UBXN7: variants seen among roughly 807,000 people sequenced by gnomAD.
UBXN7 encodes the protein UBX domain protein 7.
In UBXN7, 9 loss-of-function variants were observed where a neutral mutation model predicts 58.0. The ratio of observed to expected loss-of-function variants is 0.16; its 90% confidence interval spans 0.09 to 0.27. UBXN7 has a LOEUF of 0.27. UBXN7 is among the 10% of genes least tolerant of loss of function. The pLI is 1.00. For missense variants in UBXN7, 328 were observed against 599.6 expected, an observed-to-expected ratio of 0.55 and a Z score of 4.73; for synonymous variants, 208 against 205.0, an observed-to-expected ratio of 1.01 and a Z score of -0.12.
At chr3:196,389,780 C>T (rs1004573752) in intron 5 of UBXN7, among the ~76,000 whole-genome samples, 1 of 152,132 alleles carries the variant, frequency 6.6e-6, no homozygotes. Context: ...TCCTTTCTAG[C>T]AATGCAAGCA....
At chr3:196,385,100 CT>C (rs1729332914) in intron 5 of UBXN7, among the ~76,000 whole-genome samples, 1 of 152,230 alleles carries the variant, frequency 6.6e-6, no homozygotes, top group Non-Finnish European at 1.5e-5. Context: ...TGCAACCTCC[CT>C]GCCTGATTCT....
rs142281548 is a variant in UBXN7 at position 196,402,897 on chromosome 3, A to T, written c.289+55T>A. Reference sequence around the variant, plus strand: ...AGCCTTCACATCTTTTGATGGTTTCATTAAAATCCTAAAGAACAAAATCAA... The same window carrying T: ...AGCCTTCACATCTTTTGATGGTTTCTTTAAAATCCTAAAGAACAAAATCAA... On this transcript the variant is annotated intron_variant, in intron 3 of 10. Coordinates refer to ENST00000296328, the MANE Select transcript of UBXN7 (RefSeq NM_015562.2). The T allele has an allele frequency of 4.9e-5, 77 of 1,558,574 alleles. 2 individuals carry two copies. The East Asian group carries it at 1.6e-3, about 33-fold the overall frequency.
intron 1 of UBXN7, among the ~76,000 whole-genome samples, chr3:196,430,036 A>G (rs1201157142): frequency 6.6e-6 from 1 of 152,194 alleles, no homozygotes; most frequent in Non-Finnish European, 1.5e-5. Flanking sequence ...AGTAGTAATT[A>G]GCATAAGAAA....
At chr3:196,402,866 C>T in intron 3 of UBXN7, 86 bp downstream of exon 3, 1 of 1,442,746 alleles carries the variant, frequency 6.9e-7, no homozygotes, top group Non-Finnish European at 9.4e-7. Context: ...TAACAGTCTC[C>T]TAGCAAGCCT....
rs1006002450 is a variant in UBXN7 at position 196,420,163 on chromosome 3, CT to C, written c.73+12163del. On this transcript the variant is annotated intron_variant, in intron 1 of 10. Transcript: ENST00000296328. Reference sequence around the variant, plus strand: ...TCTTACTACAGTTAGAAGAACATACCTTTTTTTTTAAGGGGGGGCTAATAAA... The same window carrying C: ...TCTTACTACAGTTAGAAGAACATACCTTTTTTTTAAGGGGGGGCTAATAAA... 3.1e-4 allele frequency among the ~76,000 whole-genome samples: 47 copies of C among 150,740 alleles called. No homozygotes were observed. The South Asian group carries it at 3.6e-3, about 11-fold the overall frequency.
At chr3:196,365,950 A>T (rs1728651998) in intron 8 of UBXN7, among the ~76,000 whole-genome samples, 1 of 152,220 alleles carries the variant, frequency 6.6e-6, no homozygotes, top group Non-Finnish European at 1.5e-5. Flanking sequence ...ACAGAAGAGG[A>T]AGAAATACTT....
chr3:196,402,918 A>G (rs573910036), intron 3 of UBXN7, 34 bp downstream of exon 3: 1 of 1,581,140 alleles, frequency 6.3e-7, no homozygotes, highest in East Asian at 2.3e-5. Flanking sequence ...AAAGAACAAA[A>G]TCAAATAAGG....
chr3:196,391,997 AC>A (rs1560231332), intron 4 of UBXN7, 72 bp from the exon 5 acceptor site: 7 of 580,726 alleles, frequency 1.2e-5, no homozygotes, highest in South Asian at 2.2e-5. Context: ...AAAAAAAAAA[AC>A]ACAAACTTCT....
At chr3:196,420,942 CTA>C (rs544862946) in intron 1 of UBXN7, among the ~76,000 whole-genome samples, 233 of 152,286 alleles carry the variant, frequency 1.5e-3, no homozygotes, top group African/African-American at 5.3e-3. Flanking sequence ...CATCATCCCT[CTA>C]TAGAAATGAT....
intron 1 of UBXN7, among the ~76,000 whole-genome samples, chr3:196,422,816 T>G (rs1392008119): frequency 6.6e-6 from 1 of 152,254 alleles, no homozygotes; most frequent in African/African-American, 2.4e-5. Flanking sequence ...CGACTGTTTT[T>G]GGCAGCTTTA....
chr3:196,375,027 GAA>G (rs1728968909), intron 5 of UBXN7, among the ~76,000 whole-genome samples: 1 of 146,758 alleles, frequency 6.8e-6, no homozygotes, highest in South Asian at 2.3e-4. Flanking sequence ...AGGAAGGAAG[GAA>G]GGAAGGAAGG....
chr3:196,368,478 A>C (rs777078442), intron 7 of UBXN7, among the ~76,000 whole-genome samples: 2 of 152,326 alleles, frequency 1.3e-5, no homozygotes, highest in East Asian at 3.9e-4. Flanking sequence ...TGTAAATATA[A>C]TATCTAGGAT....
intron 3 of UBXN7, chr3:196,400,581 C>A (rs759366570): frequency 6.2e-5 from 11 of 177,942 alleles, no homozygotes; most frequent in Non-Finnish European, 9.8e-5. Flanking sequence ...AACAGCAATG[C>A]CCTGTCTCCA....
In UBXN7 at chr3:196,404,934, G is replaced by A. The variant is rs573739889; in HGVS notation, c.222-1915C>T. The stretch of plus-strand genomic sequence containing the variant: ...TTTGAGAGGCCAAGGCAGGTGGATC[G>A]CTTGAGCTCAGGAGTTCAAGACCAG... On this transcript the variant is annotated intron_variant, in intron 2 of 10. Coordinates refer to ENST00000296328, the MANE Select transcript of UBXN7 (RefSeq NM_015562.2). Among the ~76,000 whole-genome samples the A allele has an allele frequency of 1.8e-4, 27 of 152,194 alleles. No individual in the cohort carries two copies. The Middle Eastern group carries it at 0.01, about 58-fold the overall frequency.
chr3:196,401,248 CAAAAAA>C lies in UBXN7; in HGVS notation c.289+1698_289+1703del, dbSNP rs35766312. ...CTAACATGGAGAAACCCCGTCTCTC[CAAAAAA>C]AAAAAAAAAAAAAAAAAAAAATATA... On this transcript the variant is annotated intron_variant, in intron 3 of 10. Transcript: ENST00000296328. Among the ~76,000 whole-genome samples, 32 of 2,276 alleles carry C rather than the reference CAAAAAA, an allele frequency of 0.014. 1 individual carries two copies. In the East Asian group the frequency reaches 0.24, roughly 17 times the overall value. The allele number at this position is 2,276 out of a possible 152,430, so 1.5% of individuals were successfully genotyped here. A position where few individuals can be genotyped will look rare whatever the true frequency, so the allele number is the denominator to read the frequency against.
chr3:196,392,285 T>C lies in UBXN7; in HGVS notation c.356-360A>G, dbSNP rs188598064. Among the ~76,000 whole-genome samples, 48 of 151,982 alleles carry C rather than the reference T, an allele frequency of 3.2e-4. No individual in the cohort carries two copies. The East Asian group carries it at 9.1e-3, about 29-fold the overall frequency. ...GGATGGCCGAGGTCAGCAGATCACC[T>C]GAGGTCAGGAGTTTGAGATCAGCCT... On this transcript the variant is annotated intron_variant, in intron 4 of 10. Coordinates refer to ENST00000296328, the MANE Select transcript of UBXN7 (RefSeq NM_015562.2).
intron 7 of UBXN7, 61 bp from the exon 8 acceptor site, chr3:196,368,216 C>T: frequency 6.7e-7 from 1 of 1,498,404 alleles, no homozygotes; most frequent in Non-Finnish European, 9.0e-7. Context: ...TCTGAACATT[C>T]TCCAGGATCT....
rs1362794845 is a variant in UBXN7 at position 196,432,349 on chromosome 3, A to G, written c.51T>C (p.Ile17=). 1.2e-6 allele frequency: 2 copies of G among 1,609,072 alleles called. No homozygotes were observed. The highest frequency in any genetic ancestry group is 1.7e-6 in the Non-Finnish European group (2 of 1,176,744). Residue 17 remains isoleucine, a synonymous_variant, in exon 1 of 11, where the codon ATT becomes ATC. Coordinates refer to ENST00000296328, the MANE Select transcript of UBXN7 (RefSeq NM_015562.2). The stretch of plus-strand genomic sequence containing the variant: ...TACCGGTAATGGTGGTGAACTGTTG[A>G]ATTAACCCCTTCAGCGCCGAGGACG... The part of the protein sequence containing the change: ...SAASSALKGL[I]QQFTTITGAS...
intron 6 of UBXN7, among the ~76,000 whole-genome samples, chr3:196,370,857 CAAAAAAA>C (rs11347018): frequency 3.5e-4 from 30 of 86,340 alleles, no homozygotes; most frequent in African/African-American, 5.2e-4. Flanking sequence ...CCCATCTCTA[CAAAAAAA>C]AAAAAAAAAA....
Sources: gnomAD v4.1 joint callset for allele counts (sites outside exome capture counted in the v4.1 genomes callset) on GRCh38, gnomAD v4.1.1 for gene constraint, MANE v1.5 for transcripts, NCBI Gene and HGNC (gene_info 2026-07-23, HGNC 2026-07-21) for gene names.